Variants in ARHGEF7 observed in about 807,000 individuals in gnomAD.
The protein encoded by ARHGEF7 is PAK-interacting exchange factor beta.
In ARHGEF7, 33 loss-of-function variants were observed where a neutral mutation model predicts 109.8. That is an observed-to-expected ratio of 0.30 (90% CI 0.23 to 0.40). The LOEUF (loss-of-function observed/expected upper bound fraction) is 0.40, where lower values mean the gene tolerates loss of function less well. ARHGEF7 is among the 10% of genes least tolerant of loss of function. ARHGEF7 has a pLI of 1.00. For missense variants in ARHGEF7, 938 were observed against 1,098.5 expected (o/e 0.85, Z 2.07); for synonymous variants, 458 against 424.6 (o/e 1.08, Z -0.97).
rs1298832058 is a variant in ARHGEF7 at position 111,301,958 on chromosome 13, C to G, written c.2466+426C>G. On this transcript the variant is annotated intron_variant, in intron 21 of 21. Transcript: ENST00000646102. ...AAAGGAGGTCATGTCTTTGAGAAGT[C>G]CAGCAGATAAAATAATTGGTTGTCT... is the stretch of plus-strand genomic sequence containing the variant. Among the ~76,000 whole-genome samples the G allele has an allele frequency of 2.6e-5, 4 of 152,142 alleles. 1 individual carries two copies. The highest frequency in any genetic ancestry group is 3.4e-3 in the Middle Eastern group (1 of 292).
intron 16 of ARHGEF7, among the ~76,000 whole-genome samples, chr13:111,285,461 G>A (rs79741546): frequency 0.021 from 3,252 of 152,230 alleles, 118 homozygotes; most frequent in African/African-American, 0.075. Context: ...GCTCTGTTGG[G>A]ACTTGCTTTG....
At chr13:111,298,262 T>A (rs1186354659) in intron 19 of ARHGEF7, among the ~76,000 whole-genome samples, 1 of 152,274 alleles carries the variant, frequency 6.6e-6, no homozygotes, top group African/African-American at 2.4e-5. Flanking sequence ...AGCACATGAA[T>A]TAACATTTTC....
chr13:111,149,187 A>G (rs1382843922), intron 1 of ARHGEF7, among the ~76,000 whole-genome samples: 1 of 152,066 alleles, frequency 6.6e-6, no homozygotes, highest in Non-Finnish European at 1.5e-5. Context: ...AGGCGGGCAG[A>G]TTGCTTGAGC....
chr13:111,206,683 C>T (rs1280792476), intron 3 of ARHGEF7, among the ~76,000 whole-genome samples: 2 of 151,882 alleles, frequency 1.3e-5, no homozygotes, highest in Admixed American at 6.6e-5. Flanking sequence ...AAATCACAGC[C>T]GGGTGTGGTG....
chr13:111,185,972 G>GTGTGTGTC (rs2079209579), intron 2 of ARHGEF7, among the ~76,000 whole-genome samples: 1 of 136,850 alleles, frequency 7.3e-6, no homozygotes, highest in Non-Finnish European at 1.6e-5. Flanking sequence ...GTGTGTGTGT[G>GTGTGTGTC]TGTGTGTGTG....
In ARHGEF7 at chr13:111,138,753, A is replaced by G. The variant is rs1381305069; in HGVS notation, c.166-15152A>G. Among the ~76,000 whole-genome samples, 6 of 152,182 alleles carry G rather than the reference A, an allele frequency of 3.9e-5. No individual in the cohort carries two copies. In the East Asian group the frequency reaches 1.2e-3, roughly 29 times the overall value. ...GGCCAATTGAGGGTCCATTTGTAAA[A>G]ACTGAATGTGGAGAAAATGATGACA... On this transcript the variant is annotated intron_variant, in intron 1 of 21. Transcript: ENST00000646102.
At chr13:111,214,336 C>T (rs1183385992) in intron 4 of ARHGEF7, among the ~76,000 whole-genome samples, 1 of 152,234 alleles carries the variant, frequency 6.6e-6, no homozygotes, top group Non-Finnish European at 1.5e-5. Flanking sequence ...TCAGGGCTGG[C>T]CAAGGGTGAT....
intron 2 of ARHGEF7, among the ~76,000 whole-genome samples, chr13:111,185,903 G>A (rs2079194998): frequency 6.6e-6 from 1 of 151,890 alleles, no homozygotes; most frequent in Non-Finnish European, 1.5e-5. Context: ...AGCCAGGCTG[G>A]TGGGCTCCGA....
intron 12 of ARHGEF7, 117 bp from the exon 13 acceptor site, chr13:111,277,470 C>T (rs1041482157): frequency 1.9e-5 from 12 of 629,566 alleles, no homozygotes; most frequent in Admixed American, 2.8e-5. Flanking sequence ...AATACCTAAA[C>T]GAGAAATATC....
At chr13:111,174,807 T>C (rs1003547987) in intron 2 of ARHGEF7, among the ~76,000 whole-genome samples, 3 of 151,862 alleles carry the variant, frequency 2.0e-5, no homozygotes, top group Non-Finnish European at 2.9e-5. Context: ...CACCGGGAGG[T>C]CCTTGCAGCT....
intron 3 of ARHGEF7, among the ~76,000 whole-genome samples, chr13:111,206,985 A>T (rs549533990): frequency 6.6e-6 from 1 of 151,722 alleles, no homozygotes; most frequent in Non-Finnish European, 1.5e-5. Context: ...AGAAAAAGAA[A>T]AAAAAAGAAA....
chr13:111,298,346 G>T (rs1402409860), intron 19 of ARHGEF7, among the ~76,000 whole-genome samples: 1 of 152,208 alleles, frequency 6.6e-6, no homozygotes, highest in Non-Finnish European at 1.5e-5. Flanking sequence ...GGCACCCCAT[G>T]CTCTGCTGTA....
At chr13:111,238,738 G>T (rs1339244893) in intron 6 of ARHGEF7, among the ~76,000 whole-genome samples, 2 of 152,040 alleles carry the variant, frequency 1.3e-5, no homozygotes, top group Non-Finnish European at 2.9e-5. Flanking sequence ...GCCTCTCGGG[G>T]GGATGAGGAG....
At chr13:111,280,065 T>G (rs1192053364) in intron 13 of ARHGEF7, among the ~76,000 whole-genome samples, 1 of 152,244 alleles carries the variant, frequency 6.6e-6, no homozygotes, top group Non-Finnish European at 1.5e-5. Flanking sequence ...CAGTTGAGTT[T>G]CTTGCTTACA....
chr13:111,211,790 T>C (rs895535556), intron 4 of ARHGEF7, among the ~76,000 whole-genome samples: 3 of 152,222 alleles, frequency 2.0e-5, no homozygotes, highest in Non-Finnish European at 4.4e-5. Flanking sequence ...TAACATTCCT[T>C]TGAAGCTGGG....
intron 19 of ARHGEF7, chr13:111,294,913 A>G: frequency 1.0e-6 from 1 of 985,876 alleles, no homozygotes; most frequent in Non-Finnish European, 1.2e-6. Context: ...AGCTATATTA[A>G]TTGTGTTTTG....
chr13:111,222,421 T>C (rs2084570231), intron 5 of ARHGEF7, among the ~76,000 whole-genome samples: 1 of 152,156 alleles, frequency 6.6e-6, no homozygotes, highest in Non-Finnish European at 1.5e-5. Flanking sequence ...TATTTTAGTT[T>C]ATTTATTTTT....
intron 2 of ARHGEF7, among the ~76,000 whole-genome samples, chr13:111,188,121 T>A (rs1416542603): frequency 6.6e-6 from 1 of 152,146 alleles, no homozygotes; most frequent in Admixed American, 6.5e-5. Context: ...CTGGGATCAC[T>A]CGCTCTGTGG....
intron 5 of ARHGEF7, among the ~76,000 whole-genome samples, chr13:111,227,723 C>A (rs1395135261): frequency 6.6e-6 from 1 of 152,154 alleles, no homozygotes; most frequent in African/African-American, 2.4e-5. Context: ...TAGGTTTGTT[C>A]TTTGTGATTA....
Sources: gnomAD v4.1 joint callset for allele counts (sites outside exome capture counted in the v4.1 genomes callset) on GRCh38, gnomAD v4.1.1 for gene constraint, MANE v1.5 for transcripts, NCBI Gene and HGNC (gene_info 2026-07-23, HGNC 2026-07-21) for gene names.